LAMA2: variants seen among roughly 807,000 people sequenced by gnomAD.
The protein encoded by LAMA2 is laminin subunit alpha 2.
Under a neutral mutation model 364.8 loss-of-function variants are expected in LAMA2, and 269 were observed. That is an observed-to-expected ratio of 0.74 (90% CI 0.67 to 0.82). The LOEUF is 0.82. Ranked by LOEUF, LAMA2 falls within the 40% of genes least tolerant of loss-of-function variation. LAMA2 has a pLI of 0.00. For missense variants in LAMA2, 3,807 were observed against 3,873.2 expected (o/e 0.98, Z 0.45); for synonymous variants, 1,379 against 1,370.6 (o/e 1.01, Z -0.14).
At chr6:129,190,387 CTTCT>C in intron 11 of LAMA2, 42 bp downstream of exon 11, 1 of 1,600,270 alleles carries the variant, frequency 6.2e-7, no homozygotes, top group Non-Finnish European at 8.6e-7. Flanking sequence ...CCCCAGCAGC[CTTCT>C]TTGTTGCTTT....
chr6:128,947,209 A>G (rs180697694), intron 1 of LAMA2, among the ~76,000 whole-genome samples: 3 of 152,318 alleles, frequency 2.0e-5, no homozygotes, highest in Admixed American at 1.3e-4. Flanking sequence ...GAAGAAAGAA[A>G]CATAAAGAAA....
intron 4 of LAMA2, among the ~76,000 whole-genome samples, chr6:129,103,682 A>G (rs980374657): frequency 1.2e-4 from 18 of 152,174 alleles, no homozygotes; most frequent in Non-Finnish European, 2.2e-4. Flanking sequence ...TTGGGAACCA[A>G]TACTACAGAG....
intron 3 of LAMA2, among the ~76,000 whole-genome samples, chr6:129,084,775 C>T (rs1583013235): frequency 2.0e-5 from 3 of 152,278 alleles, no homozygotes; most frequent in East Asian, 3.9e-4. Flanking sequence ...ATTCTTCATA[C>T]CTCTAATAAG....
chr6:129,441,994 A>G (rs561968856), intron 43 of LAMA2, among the ~76,000 whole-genome samples: 28 of 151,832 alleles, frequency 1.8e-4, no homozygotes, highest in South Asian at 4.2e-4. Flanking sequence ...AAAAAAAAAA[A>G]GGGGGTTATC....
intron 1 of LAMA2, among the ~76,000 whole-genome samples, chr6:128,945,180 C>T (rs928769131): frequency 1.3e-5 from 2 of 152,170 alleles, no homozygotes; most frequent in Non-Finnish European, 2.9e-5. Context: ...CATGAGTGTG[C>T]CTCACTTGCC....
At chr6:129,316,558 AG>A (rs1287685633) in intron 27 of LAMA2, among the ~76,000 whole-genome samples, 1 of 152,224 alleles carries the variant, frequency 6.6e-6, no homozygotes, top group Non-Finnish European at 1.5e-5. Flanking sequence ...AAGTTGGTCC[AG>A]TCTCCTCCAA....
chr6:129,117,941 C>G (rs147529124), intron 4 of LAMA2, among the ~76,000 whole-genome samples: 1 of 152,078 alleles, frequency 6.6e-6, no homozygotes, highest in African/African-American at 2.4e-5. Context: ...CCTCAAACTG[C>G]CTGTGTTTGC....
intron 1 of LAMA2, among the ~76,000 whole-genome samples, chr6:129,034,063 A>G (rs1786432592): frequency 6.6e-6 from 1 of 152,180 alleles, no homozygotes; most frequent in African/African-American, 2.4e-5. Flanking sequence ...TGACCAGAGA[A>G]GGGACCCCTA....
chr6:129,445,641 A>G (rs2114774561), intron 44 of LAMA2, 26 bp from the exon 45 acceptor site: 1 of 1,609,092 alleles, frequency 6.2e-7, no homozygotes, highest in Non-Finnish European at 8.5e-7. Context: ...ATGCATATAC[A>G]TGCACACTAA....
chr6:129,217,375 C>A (rs962783803), intron 12 of LAMA2, among the ~76,000 whole-genome samples: 1 of 151,838 alleles, frequency 6.6e-6, no homozygotes, highest in Non-Finnish European at 1.5e-5. Flanking sequence ...ACATGAATAC[C>A]AAATTATTTG....
At position 128,883,261 on chromosome 6, in the gene LAMA2, G is replaced by A. The variant is rs779529626; in HGVS notation, c.16G>A (p.Gly6Arg). The change falls in exon 1 of 65, where the codon GGG (glycine) becomes AGG (arginine). Residue 6 changes from glycine (G) to arginine (R), a missense_variant. Around this residue, in one of 3 missense-constraint regions of LAMA2, gnomAD observed 394 missense variants for 403.5 expected, o/e 0.98. Coordinates refer to ENST00000421865, the MANE Select transcript of LAMA2 (RefSeq NM_000426.4). The stretch of plus-strand genomic sequence containing the variant: ...GGCCACTACGATGCCGGGAGCCGCC[G>A]GGGTCCTCCTCCTTCTGCTGCTCTC... MPGAA[G>R]VLLLLLLSGG... is the part of the protein sequence containing the mutation. 6.4e-7 allele frequency: 1 copy of A among 1,557,814 alleles called. No homozygotes were observed. The highest frequency in any genetic ancestry group is 1.4e-5 in the African/African-American group (1 of 73,694).
intron 34 of LAMA2, among the ~76,000 whole-genome samples, 179 bp downstream of exon 34, chr6:129,370,169 G>A (rs1777994343): frequency 6.6e-6 from 1 of 152,192 alleles, no homozygotes; most frequent in Non-Finnish European, 1.5e-5. Flanking sequence ...TCAGTAGCAC[G>A]CAGAAAAATT....
chr6:129,452,084 C>A (rs895687226), intron 45 of LAMA2, among the ~76,000 whole-genome samples: 1 of 152,186 alleles, frequency 6.6e-6, no homozygotes, highest in Non-Finnish European at 1.5e-5. Context: ...CCTTCTGGAG[C>A]GCTATCAATG....
In LAMA2 at chr6:129,505,102, A is replaced by G. The variant is rs139609241; in HGVS notation, c.8548-98A>G. On this transcript the variant is annotated intron_variant, in intron 60 of 64. Coordinates refer to ENST00000421865, the MANE Select transcript of LAMA2 (RefSeq NM_000426.4). The stretch of plus-strand genomic sequence containing the variant: ...ACTAAGCACTGTGTACATTGTTTCA[A>G]TTTTTCTTGGTAACATCGTTAGAGT... 4.5e-4 allele frequency: 493 copies of G among 1,102,992 alleles called. 4 individuals are homozygous for G. Among genetic ancestry groups the G allele is most frequent in the African/African-American group, 4.4e-3 (289 of 65,018 alleles). 68.3% of individuals were successfully genotyped at this position (1,102,992 alleles called of 1,614,324 possible). A position where few individuals can be genotyped will look rare whatever the true frequency, so the allele number is the denominator to read the frequency against.
chr6:128,921,713 T>C (rs553632311), intron 1 of LAMA2, among the ~76,000 whole-genome samples: 3 of 144,834 alleles, frequency 2.1e-5, no homozygotes, highest in Non-Finnish European at 4.6e-5. Context: ...TTTTTTTTTT[T>C]ATTATTATTA....
At chr6:129,197,738 G>A (rs990995662) in intron 12 of LAMA2, among the ~76,000 whole-genome samples, 2 of 152,024 alleles carry the variant, frequency 1.3e-5, no homozygotes, top group Non-Finnish European at 2.9e-5. Context: ...AAGGATAAAT[G>A]AGAAAATAAG....
In LAMA2 at chr6:129,478,770, G is replaced by A. The variant is rs753149303; in HGVS notation, c.7529G>A (p.Ser2510Asn). The A allele has an allele frequency of 1.9e-6, 3 of 1,613,028 alleles. No homozygotes were observed. The South Asian group carries it at 3.3e-5, about 18-fold the overall frequency. The part of the protein sequence containing the change: ...EISRTPYNIL[S>N]SPDYVGVTKG... ...TCAAGAACTCCGTACAATATACTCA[G>A]TAGTCCCGATTATGTTGGTGTTACC... Residue 2510 changes from serine to asparagine, a missense_variant, in exon 54 of 65, where the codon AGT becomes AAT. This residue lies in a region of LAMA2 where 3,333 missense variants were observed against 3,345.7 expected (regional missense o/e 1.00). Coordinates refer to ENST00000421865, the MANE Select transcript of LAMA2 (RefSeq NM_000426.4).
Position 129,291,728 on chromosome 6 carries a change from G to A in LAMA2, c.2856+8G>A, listed in dbSNP as rs1356022480. On this transcript the variant is annotated splice_region_variant and intron_variant, in intron 20 of 64. Transcript: ENST00000421865. ...AGATGTGACAAATGCAAGGTAAGGA[G>A]TAGAGGCTGACCCATAAATTACTTT... 12 of 1,579,320 alleles carry A rather than the reference G, an allele frequency of 7.6e-6. No homozygotes were observed. The highest frequency in any genetic ancestry group is 1.0e-5 in the Non-Finnish European group (12 of 1,148,304).
At chr6:129,294,679 AG>A (rs1789958951) in intron 20 of LAMA2, among the ~76,000 whole-genome samples, 1 of 152,180 alleles carries the variant, frequency 6.6e-6, no homozygotes, top group African/African-American at 2.4e-5. Flanking sequence ...TGGGTCCAAA[AG>A]ACAAGAAACT....
Sources: gnomAD v4.1 joint callset for allele counts (sites outside exome capture counted in the v4.1 genomes callset) on GRCh38, gnomAD v4.1.1 for gene constraint, gnomAD v4.1.1 regional missense constraint, MANE v1.5 for transcripts, NCBI Gene and HGNC (gene_info 2026-07-23, HGNC 2026-07-21) for gene names.